Variants in LRRC3C observed in about 807,000 individuals in gnomAD.
LRRC3C encodes the protein leucine-rich repeat-containing protein 3C.
In LRRC3C, 11 loss-of-function variants were observed where a neutral mutation model predicts 14.8. That is an observed-to-expected ratio of 0.74 (90% CI 0.47 to 1.23). The LOEUF (loss-of-function observed/expected upper bound fraction) is 1.23. Ranked by LOEUF, LRRC3C falls within the 50% of genes most tolerant of loss-of-function variation. The pLI, the probability that LRRC3C is intolerant of heterozygous loss-of-function variation, is 0.00. For missense variants in LRRC3C, 354 were observed against 361.8 expected, an observed-to-expected ratio of 0.98 and a Z score of 0.18; for synonymous variants, 149 against 161.5, an observed-to-expected ratio of 0.92 and a Z score of 0.59.
intron 2 of LRRC3C, among the ~76,000 whole-genome samples, chr17:39,936,853 G>A (rs985666951): frequency 3.3e-5 from 5 of 151,870 alleles, no homozygotes; most frequent in South Asian, 4.2e-4. Context: ...CTGGCACAGC[G>A]GCTCACACCT....
At position 39,944,095 on chromosome 17, in the gene LRRC3C, C is replaced by G. The variant is rs559331958; in HGVS notation, c.189C>G (p.Phe63Leu). ...CAAAGGAAGCAGGTGAACGGACGTT[C>G]CGCTGCAGCCAGGCAGGCCTCAGTG... is the stretch of plus-strand genomic sequence containing the variant. Reference protein sequence around the residue: ...YVAKEAGERTFRCSQAGLSAV... With the variant: ...YVAKEAGERTLRCSQAGLSAV... Residue 63 changes from phenylalanine (F) to leucine (L), a missense_variant, in exon 4 of 4, where the codon TTC (phenylalanine) becomes TTG (leucine). Physicochemically the swap from Phe to Leu is conservative, Grantham distance 22. Coordinates refer to ENST00000377924, the MANE Select transcript of LRRC3C (RefSeq NM_001195545.2). The G allele has an allele frequency of 2.6e-5, 40 of 1,536,114 alleles. No individual in the cohort carries two copies. The African/African-American group carries it at 2.9e-4, about 11-fold the overall frequency.
chr17:39,944,356 G>C lies in LRRC3C; in HGVS notation c.450G>C (p.Gly150=), dbSNP rs1303963315. 6.5e-7 allele frequency: 1 copy of C among 1,534,396 alleles called. No individual in the cohort carries two copies. The highest frequency in any genetic ancestry group is 2.0e-5 in the Admixed American group (1 of 50,646). The change falls in exon 4 of 4, where the codon GGG becomes GGC. Residue 150 remains glycine, a synonymous_variant. Transcript: ENST00000377924. ...LASVPVEAFV[G]LQIQVNLSAN... ...CAGTGCCCGTGGAGGCCTTTGTGGG[G>C]CTACAGATCCAAGTGAACCTATCCG...
chr17:39,930,204 G>A (rs1978606096), intron 1 of LRRC3C, among the ~76,000 whole-genome samples: 1 of 148,768 alleles, frequency 6.7e-6, no homozygotes, highest in Non-Finnish European at 1.5e-5. Flanking sequence ...ATTGAGCCCG[G>A]GAGGTCAAGG....
At chr17:39,942,253 G>T (rs1402405504) in intron 3 of LRRC3C, among the ~76,000 whole-genome samples, 1 of 152,228 alleles carries the variant, frequency 6.6e-6, no homozygotes, top group Non-Finnish European at 1.5e-5. Context: ...CCCTGCAGCA[G>T]TGTCAGGTGA....
At chr17:39,938,225 G>T (rs1246271373) in intron 2 of LRRC3C, among the ~76,000 whole-genome samples, 3 of 152,224 alleles carry the variant, frequency 2.0e-5, no homozygotes, top group African/African-American at 7.2e-5. Context: ...CCAGTGTGCA[G>T]CCAAGTTGAG....
At chr17:39,942,752 A>C (rs1484937937) in intron 3 of LRRC3C, among the ~76,000 whole-genome samples, 1 of 152,170 alleles carries the variant, frequency 6.6e-6, no homozygotes, top group Non-Finnish European at 1.5e-5. Flanking sequence ...CCGTGGAAGA[A>C]GGGGCCACCG....
In LRRC3C at chr17:39,944,138, C is replaced by A. The variant is rs1174659100; in HGVS notation, c.232C>A (p.Pro78Thr). The stretch of plus-strand genomic sequence containing the variant: ...CCTCAGTGCTGTGCCCTCCGGCATC[C>A]CCAATGACACCCGCAAGCTCTACCT... ...AGLSAVPSGI[P>T]NDTRKLYLDA... The change falls in exon 4 of 4, where the codon CCC (proline) becomes ACC (threonine). Residue 78 changes from proline to threonine, a missense_variant. Coordinates refer to ENST00000377924, the MANE Select transcript of LRRC3C (RefSeq NM_001195545.2). The A allele has an allele frequency of 6.5e-7, 1 of 1,536,102 alleles. No individual in the cohort carries two copies. Among genetic ancestry groups the A allele is most frequent in the African/African-American group, 1.4e-5 (1 of 73,030 alleles).
In LRRC3C at chr17:39,944,473, A is replaced by G; in HGVS notation, c.567A>G (p.Ser189=). 1 of 1,478,162 alleles carries G rather than the reference A, an allele frequency of 6.8e-7. No individual in the cohort carries two copies. The allele number at this position is 1,478,162 out of a possible 1,614,324, so 91.6% of individuals were successfully genotyped here. A position where few individuals can be genotyped will look rare whatever the true frequency, so the allele number is the denominator to read the frequency against. Reference sequence around the variant, plus strand: ...CTGGGACAGGCATCGTGTGTGGCTCAGGAGCCCGACCGGACCTCGTGGGGC... The same window carrying G: ...CTGGGACAGGCATCGTGTGTGGCTCGGGAGCCCGACCGGACCTCGTGGGGC... ...PGTGTGIVCG[S]GARPDLVGQE... The change falls in exon 4 of 4, where the codon TCA becomes TCG. Residue 189 remains serine, a synonymous_variant. Transcript: ENST00000377924.
intron 1 of LRRC3C, among the ~76,000 whole-genome samples, chr17:39,933,758 C>G (rs188788970): frequency 5.2e-4 from 79 of 152,230 alleles, no homozygotes; most frequent in African/African-American, 1.9e-3. Flanking sequence ...AAAAAAGAAA[C>G]AGAGCCCCTT....
intron 1 of LRRC3C, among the ~76,000 whole-genome samples, chr17:39,932,212 G>A (rs1426434287): frequency 6.6e-6 from 1 of 152,132 alleles, no homozygotes; most frequent in Non-Finnish European, 1.5e-5. Flanking sequence ...TAAAGTAAAT[G>A]AAGATGGCGA....
intron 1 of LRRC3C, among the ~76,000 whole-genome samples, chr17:39,933,719 C>T (rs920755255): frequency 6.6e-6 from 1 of 151,944 alleles, no homozygotes; most frequent in Non-Finnish European, 1.5e-5. Context: ...GGCGACAGAG[C>T]AAGACTCCGT....
intron 1 of LRRC3C, among the ~76,000 whole-genome samples, chr17:39,935,063 G>A (rs189541175): frequency 1.1e-3 from 174 of 152,258 alleles, no homozygotes; most frequent in African/African-American, 4.0e-3. Flanking sequence ...TTTATGACCT[G>A]TATTTTATGC....
intron 2 of LRRC3C, among the ~76,000 whole-genome samples, chr17:39,936,143 G>C (rs760141558): frequency 5.3e-5 from 8 of 152,198 alleles, no homozygotes; most frequent in Non-Finnish European, 8.8e-5. Context: ...TCACTTTCCT[G>C]AGCCCTGAAC....
At chr17:39,937,267 A>G (rs935189703) in intron 2 of LRRC3C, among the ~76,000 whole-genome samples, 5 of 151,950 alleles carry the variant, frequency 3.3e-5, no homozygotes, top group African/African-American at 1.2e-4. Flanking sequence ...GAAACCCCGT[A>G]TCTACTGAAA....
At position 39,944,795 on chromosome 17, in the gene LRRC3C, T is replaced by C; in HGVS notation, c.*61T>C. On this transcript the variant is annotated 3_prime_UTR_variant, in exon 4 of 4. Transcript: ENST00000377924. ...CCTGCCCCTATGCCCTCTCCTTTGC[T>C]CTGACCCCCTCTGCCTCCTGTGCAG... 3.5e-6 allele frequency: 5 copies of C among 1,445,460 alleles called. No individual in the cohort carries two copies. The highest frequency in any genetic ancestry group is 3.7e-6 in the Non-Finnish European group (4 of 1,073,046). The allele number at this position is 1,445,460 out of a possible 1,614,324, so 89.5% of individuals were successfully genotyped here. A position where few individuals can be genotyped will look rare whatever the true frequency, so the allele number is the denominator to read the frequency against.
At chr17:39,933,775 G>C (rs1337682221) in intron 1 of LRRC3C, among the ~76,000 whole-genome samples, 1 of 152,122 alleles carries the variant, frequency 6.6e-6, no homozygotes, top group Admixed American at 6.5e-5. Context: ...CCTTCCCCTG[G>C]GGGAAAGAAT....
At chr17:39,932,456 CACT>C (rs1329816223) in intron 1 of LRRC3C, among the ~76,000 whole-genome samples, 1 of 152,142 alleles carries the variant, frequency 6.6e-6, no homozygotes, top group African/African-American at 2.4e-5. Context: ...GTAATCCCAG[CACT>C]TTGGGAAGCT....
intron 1 of LRRC3C, 138 bp from the exon 2 acceptor site, chr17:39,935,664 A>G: frequency 3.8e-6 from 1 of 260,156 alleles, no homozygotes; most frequent in Non-Finnish European, 6.0e-6. Flanking sequence ...AACAAAAGAA[A>G]AAAACAACTC....
chr17:39,931,391 A>G (rs1025750087), intron 1 of LRRC3C, among the ~76,000 whole-genome samples: 5 of 144,002 alleles, frequency 3.5e-5, no homozygotes, highest in African/African-American at 7.6e-5. Flanking sequence ...GGTTGCAGTG[A>G]GCCGAGATCA....
Sources: allele counts gnomAD v4.1 joint callset (sites outside exome capture counted in the v4.1 genomes callset), GRCh38; gene constraint gnomAD v4.1.1; transcripts MANE v1.5; gene names NCBI Gene and HGNC (gene_info 2026-07-23, HGNC 2026-07-21).